Variants in ARHGEF3 observed in about 807,000 individuals in gnomAD.
ARHGEF3 encodes 59.8 kDA protein.
A neutral mutation model predicts 63.2 loss-of-function variants in ARHGEF3; 28 were observed. That is an observed-to-expected ratio of 0.44 (90% CI 0.33 to 0.61). ARHGEF3 has a LOEUF of 0.61. ARHGEF3 is among the 20% of genes least tolerant of loss of function. The pLI is 0.03. For synonymous variants in ARHGEF3, 266 were observed against 254.2 expected, an observed-to-expected ratio of 1.05 and a Z score of -0.44; for missense variants, 533 against 659.3, an observed-to-expected ratio of 0.81 and a Z score of 2.10.
intron 1 of ARHGEF3, among the ~76,000 whole-genome samples, chr3:56,799,849 G>A (rs897394218): frequency 1.3e-5 from 2 of 152,138 alleles, no homozygotes; most frequent in African/African-American, 4.8e-5. Flanking sequence ...TTGATTTAGT[G>A]TTTAAATCAA....
chr3:56,784,617 T>C (rs1445641130), intron 1 of ARHGEF3, among the ~76,000 whole-genome samples: 4 of 152,172 alleles, frequency 2.6e-5, no homozygotes, highest in Non-Finnish European at 4.4e-5. Context: ...CGCTTCCCCT[T>C]GGGTGGGGTT....
At chr3:57,028,902 T>C (rs1419154692) in intron 2 of ARHGEF3, among the ~76,000 whole-genome samples, 1 of 151,686 alleles carries the variant, frequency 6.6e-6, no homozygotes, top group East Asian at 1.9e-4. Flanking sequence ...AGGAGCTTTT[T>C]TAGTGACTTT....
intron 2 of ARHGEF3, among the ~76,000 whole-genome samples, chr3:57,013,249 C>G (rs1702784009): frequency 6.6e-6 from 1 of 152,210 alleles, no homozygotes; most frequent in South Asian, 2.1e-4. Context: ...CTGAGGAGTA[C>G]AGGCATGCGG....
intron 1 of ARHGEF3, among the ~76,000 whole-genome samples, chr3:56,779,459 G>A (rs529615006): frequency 7.2e-5 from 11 of 152,202 alleles, no homozygotes; most frequent in Admixed American, 5.9e-4. Flanking sequence ...TGCCTATGGT[G>A]CATGTCAAAA....
At chr3:56,763,444 G>C (rs887079944) in intron 2 of ARHGEF3, among the ~76,000 whole-genome samples, 23 of 152,188 alleles carry the variant, frequency 1.5e-4, no homozygotes, top group African/African-American at 4.6e-4. Flanking sequence ...AAAGCCCTCA[G>C]CAGGACACTG....
intron 2 of ARHGEF3, among the ~76,000 whole-genome samples, chr3:56,770,666 AG>A (rs1217530914): frequency 1.3e-5 from 2 of 152,052 alleles, no homozygotes; most frequent in Non-Finnish European, 2.9e-5. Context: ...ATACAACTTG[AG>A]GGGTGTATTT....
At chr3:56,762,582 C>T (rs1046674755) in intron 2 of ARHGEF3, among the ~76,000 whole-genome samples, 1 of 152,080 alleles carries the variant, frequency 6.6e-6, no homozygotes, top group Non-Finnish European at 1.5e-5. Flanking sequence ...TTGTTAATGC[C>T]GCCTGTTCAG....
chr3:56,811,949 G>T (rs1222795266), intron 4 of ARHGEF3, among the ~76,000 whole-genome samples: 1 of 152,136 alleles, frequency 6.6e-6, no homozygotes, highest in African/African-American at 2.4e-5. Context: ...CCAGTAGTCA[G>T]CCTGCTCATA....
At chr3:56,954,242 C>T (rs1699942916) in intron 3 of ARHGEF3, among the ~76,000 whole-genome samples, 1 of 152,196 alleles carries the variant, frequency 6.6e-6, no homozygotes, top group South Asian at 2.1e-4. Flanking sequence ...AACTTACAGG[C>T]AATGGCAGGA....
At chr3:56,840,225 C>T (rs1447307203) in intron 4 of ARHGEF3, among the ~76,000 whole-genome samples, 1 of 152,142 alleles carries the variant, frequency 6.6e-6, no homozygotes, top group Non-Finnish European at 1.5e-5. Context: ...GAGAGCCAGC[C>T]AACAACAGTC....
At chr3:56,925,341 G>A (rs974408169) in intron 3 of ARHGEF3, among the ~76,000 whole-genome samples, 3 of 152,194 alleles carry the variant, frequency 2.0e-5, no homozygotes, top group East Asian at 1.9e-4. Flanking sequence ...AATTCTCTGA[G>A]CTACCCTAGA....
At chr3:56,828,183 G>A (rs144870336) in intron 4 of ARHGEF3, among the ~76,000 whole-genome samples, 3 of 152,154 alleles carry the variant, frequency 2.0e-5, no homozygotes, top group South Asian at 2.1e-4. Flanking sequence ...CTTGCTTATC[G>A]TGGCAGCTAC....
intron 1 of ARHGEF3, among the ~76,000 whole-genome samples, chr3:56,801,092 C>T (rs1183224491): frequency 6.6e-6 from 1 of 152,208 alleles, no homozygotes; most frequent in South Asian, 2.1e-4. Flanking sequence ...GACTTTAATT[C>T]ATTTTCAAGA....
chr3:56,996,924 C>T (rs1323687829), intron 2 of ARHGEF3, among the ~76,000 whole-genome samples: 10 of 132,504 alleles, frequency 7.5e-5, no homozygotes, highest in Non-Finnish European at 1.3e-4. Flanking sequence ...CTTATTTGCT[C>T]ATCAGCTGTC....
chr3:57,045,135 C>T (rs1334437255), intron 1 of ARHGEF3, among the ~76,000 whole-genome samples: 5 of 152,042 alleles, frequency 3.3e-5, no homozygotes, highest in Admixed American at 6.5e-5. Context: ...GGCGTGGTGG[C>T]GGGCACCTGT....
At chr3:57,022,082 G>A (rs1428035942) in intron 2 of ARHGEF3, among the ~76,000 whole-genome samples, 5 of 152,146 alleles carry the variant, frequency 3.3e-5, no homozygotes, top group African/African-American at 1.2e-4. Context: ...ATCAGCCTGG[G>A]TAACCCAATG....
intron 2 of ARHGEF3, among the ~76,000 whole-genome samples, chr3:57,017,042 A>T (rs1173335991): frequency 8.2e-5 from 12 of 146,012 alleles, no homozygotes; most frequent in African/African-American, 2.5e-4. Flanking sequence ...TCACACACAC[A>T]CACACACACA....
At chr3:56,934,414 T>A (rs973684457) in intron 3 of ARHGEF3, among the ~76,000 whole-genome samples, 2 of 152,228 alleles carry the variant, frequency 1.3e-5, no homozygotes, top group African/African-American at 4.8e-5. Context: ...AGCCCCTTTC[T>A]GGGCTGGCCA....
chr3:56,951,631 ATTAG>A (rs1445441048), intron 3 of ARHGEF3, among the ~76,000 whole-genome samples: 4 of 151,956 alleles, frequency 2.6e-5, no homozygotes, highest in African/African-American at 9.7e-5. Context: ...TTTGTATATT[ATTAG>A]TTAGAATGCA....
Sources: allele counts gnomAD v4.1 joint callset (sites outside exome capture counted in the v4.1 genomes callset), GRCh38; gene constraint gnomAD v4.1.1; transcripts MANE v1.5; gene names NCBI Gene and HGNC (gene_info 2026-07-23, HGNC 2026-07-21).